The following PTPRR variants were observed in gnomAD, a reference collection of about 807,000 sequenced individuals.
PTPRR encodes the protein protein tyrosine phosphatase receptor type R.
PTPRR carries 38 observed loss-of-function variants against 77.2 expected under a neutral mutation model. The ratio of observed to expected loss-of-function variants is 0.49; its 90% CI spans 0.38 to 0.65. The LOEUF (loss-of-function observed/expected upper bound fraction) is 0.65. Ranked by LOEUF, PTPRR falls within the 30% of genes least tolerant of loss-of-function variation. The pLI is 0.00. For missense variants in PTPRR, 744 were observed against 799.2 expected, an observed-to-expected ratio of 0.93 and a Z score of 0.83; for synonymous variants, 299 against 283.1, an observed-to-expected ratio of 1.06 and a Z score of -0.57.
chr12:70,687,977 C>G (rs956830869), intron 8 of PTPRR, among the ~76,000 whole-genome samples: 3 of 152,162 alleles, frequency 2.0e-5, no homozygotes, highest in Admixed American at 6.5e-5. Flanking sequence ...TTCAAAAGCA[C>G]TTCATTTTCC....
intron 6 of PTPRR, among the ~76,000 whole-genome samples, chr12:70,732,130 A>G (rs1307781406): frequency 6.6e-6 from 1 of 152,256 alleles, no homozygotes; most frequent in East Asian, 1.9e-4. Flanking sequence ...TCCTTCAGGC[A>G]AAGTGGGCCT....
At chr12:70,756,811 A>G (rs1475855197) in intron 4 of PTPRR, among the ~76,000 whole-genome samples, 1 of 152,172 alleles carries the variant, frequency 6.6e-6, no homozygotes. Flanking sequence ...CTGATCTCAG[A>G]TGCAGAAGGA....
In PTPRR at chr12:70,639,608, C is replaced by T. The variant is rs1451815175; in HGVS notation, c.1881-331G>A. 5 of 716,902 alleles carry T rather than the reference C, an allele frequency of 7.0e-6. No individual in the cohort carries two copies. In the African/African-American group the frequency reaches 7.7e-5, roughly 11 times the overall value. 44.4% of individuals were successfully genotyped at this position (716,902 alleles called of 1,614,324 possible). A position where few individuals can be genotyped will look rare whatever the true frequency, so the allele number is the denominator to read the frequency against. ...AAGGTGAGTTCAAATCCCTCCTCTG[C>T]CAATTCTTAGCTGTATGCATCTTGG... On this transcript the variant is annotated intron_variant, in intron 13 of 13. Transcript: ENST00000283228.
intron 13 of PTPRR, among the ~76,000 whole-genome samples, chr12:70,644,167 C>T (rs923872400): frequency 1.4e-4 from 22 of 152,308 alleles, no homozygotes; most frequent in African/African-American, 4.8e-4. Flanking sequence ...GAACACTAAA[C>T]CTCTTTTGGT....
intron 12 of PTPRR, among the ~76,000 whole-genome samples, chr12:70,659,396 G>C (rs554562112): frequency 6.6e-6 from 1 of 152,280 alleles, no homozygotes; most frequent in Non-Finnish European, 1.5e-5. Flanking sequence ...TATGGGAGAA[G>C]CTTTGAAGGG....
chr12:70,677,232 A>G (rs1374040318), intron 10 of PTPRR, among the ~76,000 whole-genome samples: 1 of 152,162 alleles, frequency 6.6e-6, no homozygotes, highest in Non-Finnish European at 1.5e-5. Context: ...CACCATTAGC[A>G]TATACAAATG....
At chr12:70,706,179 G>A (rs1215743742) in intron 6 of PTPRR, among the ~76,000 whole-genome samples, 3 of 152,024 alleles carry the variant, frequency 2.0e-5, no homozygotes, top group African/African-American at 7.2e-5. Context: ...TAAGTTCCGA[G>A]GTTAATGGCA....
rs557926696 is a variant in PTPRR, at chr12:70,722,108, C to T, written c.1008-20785G>A. On this transcript the variant is annotated intron_variant, in intron 6 of 13. Transcript: ENST00000283228. Reference sequence around the variant, plus strand: ...CCCGGCTATGCGCCCCCCGTGGACGCTTCCTTTCCCACCCACTCCTTTCCT... The same window carrying T: ...CCCGGCTATGCGCCCCCCGTGGACGTTTCCTTTCCCACCCACTCCTTTCCT... 2.6e-5 allele frequency among the ~76,000 whole-genome samples: 4 copies of T among 152,322 alleles called. No individual in the cohort carries two copies. The South Asian group carries it at 8.3e-4, about 32-fold the overall frequency.
chr12:70,725,261 A>G (rs1252464647), intron 6 of PTPRR, among the ~76,000 whole-genome samples: 2 of 152,070 alleles, frequency 1.3e-5, no homozygotes, highest in African/African-American at 4.8e-5. Flanking sequence ...ACTTATCTTT[A>G]TGTTTAAGAA....
intron 2 of PTPRR, among the ~76,000 whole-genome samples, chr12:70,786,110 G>C (rs1891316836): frequency 6.6e-6 from 1 of 152,128 alleles, no homozygotes; most frequent in African/African-American, 2.4e-5. Flanking sequence ...TCAACACTCA[G>C]GCAAATGTCT....
chr12:70,903,190 G>A (rs1893568347), intron 1 of PTPRR, among the ~76,000 whole-genome samples: 1 of 151,694 alleles, frequency 6.6e-6, no homozygotes, highest in Non-Finnish European at 1.5e-5. Context: ...CTATTGCACA[G>A]CAGGGTGACT....
In PTPRR at chr12:70,746,046, C is replaced by T. The variant is rs1363769353; in HGVS notation, c.779G>A (p.Arg260Lys). 6.2e-7 allele frequency: 1 copy of T among 1,613,254 alleles called. No individual in the cohort carries two copies. Among genetic ancestry groups the T allele is most frequent in the Non-Finnish European group, 8.5e-7 (1 of 1,179,378 alleles). Residue 260 changes from arginine (R) to lysine (K), a missense_variant, in exon 6 of 14, where the codon AGA becomes AAA. Around this residue, in one of 3 missense-constraint regions of PTPRR, gnomAD observed 570 missense variants for 573.2 expected, o/e 0.99. Transcript: ENST00000283228. ...RLKERFQLSL[R>K]QDKEKNQEIH... is the part of the protein sequence containing the mutation. ...CTCCTGGTTTTTCTCTTTGTCTTGT[C>T]TTAAGGAAAGCTGAAATCTTTCTTT...
chr12:70,675,290 T>C (rs1017552852), intron 10 of PTPRR, among the ~76,000 whole-genome samples: 1 of 152,048 alleles, frequency 6.6e-6, no homozygotes, highest in Non-Finnish European at 1.5e-5. Context: ...TTTGTTTATA[T>C]TTAGTATGAT....
chr12:70,702,830 T>C (rs927847818), intron 6 of PTPRR, among the ~76,000 whole-genome samples: 3 of 152,194 alleles, frequency 2.0e-5, no homozygotes, highest in African/African-American at 7.2e-5. Flanking sequence ...GGCTGGCCTT[T>C]TAATGGTTGA....
chr12:70,669,775 TCA>T (rs1887150712), intron 10 of PTPRR, among the ~76,000 whole-genome samples: 1 of 152,060 alleles, frequency 6.6e-6, no homozygotes, highest in Non-Finnish European at 1.5e-5. Flanking sequence ...AAAAAAAATT[TCA>T]TTTGTAGAGA....
chr12:70,688,003 G>A (rs979546769), intron 8 of PTPRR, among the ~76,000 whole-genome samples: 1 of 152,158 alleles, frequency 6.6e-6, no homozygotes, highest in Admixed American at 6.6e-5. Flanking sequence ...ATCTCATACA[G>A]TCTTAACAGA....
At chr12:70,656,045 C>T (rs889371955) in intron 13 of PTPRR, among the ~76,000 whole-genome samples, 3 of 150,206 alleles carry the variant, frequency 2.0e-5, no homozygotes, top group African/African-American at 7.4e-5. Context: ...GACCCTGTCT[C>T]TACAAAAAAA....
intron 6 of PTPRR, 152 bp from the exon 7 acceptor site, chr12:70,701,475 C>T (rs1888422190): frequency 1.6e-6 from 1 of 638,016 alleles, no homozygotes; most frequent in Non-Finnish European, 2.6e-6. Context: ...TTGGCCATAG[C>T]AACTACCCAT....
chr12:70,708,830 A>G (rs1008421878), intron 6 of PTPRR, among the ~76,000 whole-genome samples: 3 of 151,898 alleles, frequency 2.0e-5, no homozygotes, highest in Non-Finnish European at 4.4e-5. Context: ...ACACACACAC[A>G]CACACACACA....
Sources: allele counts gnomAD v4.1 joint callset (sites outside exome capture counted in the v4.1 genomes callset), GRCh38; gene constraint gnomAD v4.1.1; regional missense constraint gnomAD v4.1.1; transcripts MANE v1.5; gene names NCBI Gene and HGNC (gene_info 2026-07-23, HGNC 2026-07-21).